TM6SF1: variants seen among roughly 807,000 people sequenced by gnomAD.
The protein encoded by TM6SF1 is transmembrane 6 superfamily member 1.
TM6SF1 carries 43 observed loss-of-function variants against 47.1 expected under a neutral mutation model. The observed-to-expected ratio is 0.91, with a 90% CI of 0.72 to 1.18. TM6SF1 has a LOEUF of 1.18. Ranked by LOEUF, TM6SF1 falls within the 50% of genes most tolerant of loss-of-function variation. The pLI is 0.00. For synonymous variants in TM6SF1, 177 were observed against 166.3 expected, an observed-to-expected ratio of 1.06 and a Z score of -0.49; for missense variants, 390 against 449.0, an observed-to-expected ratio of 0.87 and a Z score of 1.19.
chr15:83,112,496 A>G (rs2034277186), intron 1 of TM6SF1, among the ~76,000 whole-genome samples: 1 of 152,154 alleles, frequency 6.6e-6, no homozygotes, highest in Non-Finnish European at 1.5e-5. Flanking sequence ...CCATAGGTGC[A>G]GCAGGGTGGG....
Position 83,107,858 on chromosome 15 carries a change from G to T in TM6SF1, c.92+86G>T, listed in dbSNP as rs2033803842. The T allele has an allele frequency of 6.9e-7, 1 of 1,439,558 alleles. No individual in the cohort carries two copies. Among genetic ancestry groups the T allele is most frequent in the African/African-American group, 1.5e-5 (1 of 67,122 alleles). 89.2% of individuals were successfully genotyped at this position (1,439,558 alleles called of 1,614,324 possible). A position where few individuals can be genotyped will look rare whatever the true frequency, so the allele number is the denominator to read the frequency against. On this transcript the variant is annotated intron_variant, in intron 1 of 9. Coordinates refer to ENST00000322019, the MANE Select transcript of TM6SF1 (RefSeq NM_023003.5). This position sits in a 1 kb window ranked among gnomAD's most constrained non-coding sequence, Gnocchi z 5.6. ...CGGGAGCCTCGCAACTTTTCCGAGGGGGCTGGGACCGTCCGCCGCGGGACA... is the reference window on the plus strand; with the variant it reads ...CGGGAGCCTCGCAACTTTTCCGAGGTGGCTGGGACCGTCCGCCGCGGGACA...
intron 7 of TM6SF1, 31 bp from the exon 8 acceptor site, chr15:83,126,724 A>T (rs1230409791): frequency 4.5e-6 from 7 of 1,563,348 alleles, no homozygotes; most frequent in Non-Finnish European, 6.1e-6. Flanking sequence ...ATGTGATTGT[A>T]TTTTTATAAT....
chr15:83,111,178 T>C (rs1020974849), intron 1 of TM6SF1, among the ~76,000 whole-genome samples: 3 of 152,178 alleles, frequency 2.0e-5, no homozygotes, highest in Non-Finnish European at 4.4e-5. Flanking sequence ...GGCCTCATTC[T>C]TATCATAGAA....
chr15:83,131,340 TTGA>T (rs2036233164), intron 9 of TM6SF1: 2 of 151,836 alleles, frequency 1.3e-5, no homozygotes, highest in Admixed American at 1.3e-4. Context: ...GGAAGAAATA[TTGA>T]GTAGTGGCCA....
At chr15:83,132,771 G>C (rs576742848) in intron 9 of TM6SF1, 1 of 152,056 alleles carries the variant, frequency 6.6e-6, no homozygotes, top group Non-Finnish European at 1.5e-5. Flanking sequence ...GGAAGAACAC[G>C]GATAGTTGGG....
intron 2 of TM6SF1, 87 bp from the exon 3 acceptor site, chr15:83,115,758 A>T (rs760206223): frequency 5.6e-6 from 5 of 898,524 alleles, no homozygotes; most frequent in South Asian, 5.5e-5. Flanking sequence ...AACATGAAAA[A>T]CATTCCATTA....
intron 4 of TM6SF1, among the ~76,000 whole-genome samples, 161 bp from the exon 5 acceptor site, chr15:83,121,760 T>C (rs997144797): frequency 6.6e-6 from 1 of 152,228 alleles, no homozygotes; most frequent in African/African-American, 2.4e-5. Flanking sequence ...TGAAGTTACA[T>C]AACCAGGGCT....
At chr15:83,112,708 T>C in intron 1 of TM6SF1, 89 bp from the exon 2 acceptor site, 1 of 911,808 alleles carries the variant, frequency 1.1e-6, no homozygotes, top group Non-Finnish European at 1.8e-6. Flanking sequence ...TATGCAGCAC[T>C]AGGAGGGAAT....
chr15:83,119,043 G>C (rs2034969332), intron 3 of TM6SF1, among the ~76,000 whole-genome samples: 1 of 152,132 alleles, frequency 6.6e-6, no homozygotes, highest in Non-Finnish European at 1.5e-5. Flanking sequence ...CTGGGTTGTT[G>C]GGAAGGTAGA....
At chr15:83,112,485 G>A (rs1596469597) in intron 1 of TM6SF1, among the ~76,000 whole-genome samples, 1 of 152,138 alleles carries the variant, frequency 6.6e-6, no homozygotes, top group Non-Finnish European at 1.5e-5. Context: ...TGGGGCAGTG[G>A]CCATAGGTGC....
At chr15:83,126,621 T>C (rs1216712066) in intron 7 of TM6SF1, 134 bp from the exon 8 acceptor site, 6 of 643,998 alleles carry the variant, frequency 9.3e-6, no homozygotes, top group Admixed American at 2.7e-5. Context: ...CCATCATTGA[T>C]GAGCCTCTAC....
intron 9 of TM6SF1, chr15:83,133,142 C>T (rs187943131): frequency 6.6e-6 from 1 of 152,308 alleles, no homozygotes; most frequent in East Asian, 1.9e-4. Flanking sequence ...TGTGGTGGAG[C>T]TGTGATTTGA....
At chr15:83,118,278 AAG>A (rs955002232) in intron 3 of TM6SF1, among the ~76,000 whole-genome samples, 1 of 151,440 alleles carries the variant, frequency 6.6e-6, no homozygotes, top group Non-Finnish European at 1.5e-5. Flanking sequence ...CAGAGAGAGC[AAG>A]AGAGAGAGAG....
chr15:83,109,985 T>C (rs941393993), intron 1 of TM6SF1, among the ~76,000 whole-genome samples: 1 of 152,140 alleles, frequency 6.6e-6, no homozygotes, highest in African/African-American at 2.4e-5. Context: ...GTTACTTTCC[T>C]GTGGTAAGAA....
intron 9 of TM6SF1, chr15:83,131,159 T>C (rs2151381848): frequency 6.6e-6 from 1 of 152,262 alleles, no homozygotes; most frequent in Middle Eastern, 3.4e-3. Context: ...ATCAGCATCT[T>C]TGCTTGCTAA....
chr15:83,121,184 C>T (rs1426826279), intron 4 of TM6SF1, among the ~76,000 whole-genome samples: 1 of 152,078 alleles, frequency 6.6e-6, no homozygotes, highest in Non-Finnish European at 1.5e-5. Flanking sequence ...ATTTCTCCTG[C>T]CTCAGCCTCC....
intron 7 of TM6SF1, among the ~76,000 whole-genome samples, chr15:83,126,065 G>A (rs572808178): frequency 5.3e-5 from 8 of 152,298 alleles, no homozygotes; most frequent in Admixed American, 2.0e-4. Flanking sequence ...CCCTGTGCAC[G>A]AGAAAAATGT....
At chr15:83,132,875 T>C (rs1459528987) in intron 9 of TM6SF1, 1 of 152,246 alleles carries the variant, frequency 6.6e-6, no homozygotes, top group East Asian at 1.9e-4. Context: ...ATTTAACATC[T>C]TTTATGTACT....
intron 7 of TM6SF1, 43 bp downstream of exon 7, chr15:83,124,819 T>C (rs1158782877): frequency 6.9e-7 from 1 of 1,439,152 alleles, no homozygotes; most frequent in Non-Finnish European, 9.7e-7. Context: ...GTGATACTAC[T>C]CACATTTCCA....
Sources: gnomAD v4.1 joint callset for allele counts (sites outside exome capture counted in the v4.1 genomes callset) on GRCh38, gnomAD v4.1.1 for gene constraint, Gnocchi (gnomAD v3.1) non-coding constraint, MANE v1.5 for transcripts, NCBI Gene and HGNC (gene_info 2026-07-23, HGNC 2026-07-21) for gene names.